CACNA1C: variants seen among roughly 807,000 people sequenced by gnomAD.
CACNA1C encodes calcium voltage-gated channel subunit alpha1 C, also known as voltage-dependent L-type calcium channel subunit alpha-1C.
In CACNA1C, 30 loss-of-function variants were observed where a neutral mutation model predicts 229.0. The ratio of observed to expected loss-of-function variants is 0.13; its 90% CI spans 0.10 to 0.18. CACNA1C has a LOEUF of 0.18. Among genes scored for constraint, CACNA1C ranks in the 10% least tolerant of loss-of-function variants. The pLI, the probability that CACNA1C is intolerant of heterozygous loss-of-function variation, is 1.00. For missense variants in CACNA1C, 1,658 were observed against 2,845.0 expected (o/e 0.58, Z 9.49); for synonymous variants, 1,114 against 1,132.5 (o/e 0.98, Z 0.33).
chr12:2,150,157 A>C (rs1372706219), intron 3 of CACNA1C, among the ~76,000 whole-genome samples: 1 of 152,210 alleles, frequency 6.6e-6, no homozygotes, highest in East Asian at 1.9e-4. Flanking sequence ...CATGTTGGTC[A>C]GGAGCAGAGA....
At chr12:2,150,774 T>C (rs527463259) in intron 3 of CACNA1C, among the ~76,000 whole-genome samples, 1 of 152,326 alleles carries the variant, frequency 6.6e-6, no homozygotes, top group South Asian at 2.1e-4. Context: ...CTTCTCTCCT[T>C]TGAGAGGTAG....
intron 3 of CACNA1C, among the ~76,000 whole-genome samples, chr12:2,349,187 A>G (rs2097135687): frequency 6.6e-6 from 1 of 152,226 alleles, no homozygotes; most frequent in Non-Finnish European, 1.5e-5. Flanking sequence ...GCATGTTCCC[A>G]TGGACTGGAA....
chr12:2,645,421 C>T (rs1415810229), intron 30 of CACNA1C, among the ~76,000 whole-genome samples: 1 of 152,206 alleles, frequency 6.6e-6, no homozygotes, highest in East Asian at 1.9e-4. Context: ...AAAGGTAGAA[C>T]TGATGCTTTG....
At chr12:2,431,536 C>G (rs963414991) in intron 3 of CACNA1C, among the ~76,000 whole-genome samples, 2 of 152,184 alleles carry the variant, frequency 1.3e-5, no homozygotes, top group African/African-American at 4.8e-5. Flanking sequence ...GTGCTCTGTG[C>G]TGAGAGGTCG....
chr12:2,611,325 G>A (rs550386290), intron 28 of CACNA1C, among the ~76,000 whole-genome samples: 1 of 141,454 alleles, frequency 7.1e-6, no homozygotes, highest in Non-Finnish European at 1.5e-5. Flanking sequence ...AGAACGGAGG[G>A]ATGAGCTGGA....
At position 2,034,215 on chromosome 12, in the gene CACNA1C, T is replaced by A. The variant is rs1360316422; in HGVS notation, c.139+63014T>A. Among the ~76,000 whole-genome samples, 1 of 152,164 alleles carries A rather than the reference T, an allele frequency of 6.6e-6. No individual in the cohort carries two copies. The highest frequency in any genetic ancestry group is 2.4e-5 in the African/African-American group (1 of 41,424). On this transcript the variant is annotated intron_variant, in intron 1 of 46. Transcript: ENST00000682462. This position sits in a 1 kb window ranked among gnomAD's most constrained non-coding sequence, Gnocchi z 4.1. ...GAGCGGTTCAGTGACTCGCCCAAAC[T>A]CACATGCTTAGTGTGGGAAAGTTAA...
At chr12:2,311,558 G>A (rs760045894) in intron 3 of CACNA1C, among the ~76,000 whole-genome samples, 4 of 152,136 alleles carry the variant, frequency 2.6e-5, no homozygotes, top group Admixed American at 6.5e-5. Context: ...ATCCTCTCTC[G>A]CACAGCAAAC....
In CACNA1C at chr12:2,581,987, A is replaced by G. The variant is rs150289490; in HGVS notation, c.2103+190A>G. Among the ~76,000 whole-genome samples the G allele has an allele frequency of 8.2e-3, 1,236 of 151,230 alleles. 23 individuals are homozygous for G. Among genetic ancestry groups the G allele is most frequent in the African/African-American group, 0.029 (1,176 of 41,118 alleles). On this transcript the variant is annotated intron_variant, in intron 14 of 46. Transcript: ENST00000399655. ...CTGTCCCCATCTGCCATGGAATTCC[A>G]CTAGTGGGTGGACCATTAGGGGAAA...
chr12:2,636,244 C>T (rs1333138261), intron 30 of CACNA1C, among the ~76,000 whole-genome samples: 1 of 152,212 alleles, frequency 6.6e-6, no homozygotes, highest in Non-Finnish European at 1.5e-5. Flanking sequence ...GAAAGGTGAC[C>T]GCAAGCTGCC....
At chr12:2,546,240 C>T (rs1440578068) in intron 9 of CACNA1C, among the ~76,000 whole-genome samples, 1 of 152,028 alleles carries the variant, frequency 6.6e-6, no homozygotes, top group East Asian at 1.9e-4. Flanking sequence ...TGTGCAGTTG[C>T]TGGTGTCTTC....
chr12:2,669,055 CT>C lies in CACNA1C; in HGVS notation c.4726+21del, dbSNP rs749247782. ...CAGAAGGTAAGGTCGCCCGTGGGCA[CT>C]GGGAGAGACACTCAGAAGGTCTAGC... On this transcript the variant is annotated intron_variant, in intron 38 of 46. Transcript: ENST00000399655. 2.5e-5 allele frequency: 37 copies of C among 1,490,088 alleles called. No homozygotes were observed. The East Asian group carries it at 7.7e-4, about 31-fold the overall frequency. The allele number at this position is 1,490,088 out of a possible 1,614,324, so 92.3% of individuals were successfully genotyped here.
chr12:2,620,520 C>G (rs150620811), intron 29 of CACNA1C, among the ~76,000 whole-genome samples: 1 of 152,232 alleles, frequency 6.6e-6, no homozygotes, highest in Non-Finnish European at 1.5e-5. Context: ...TCACTCCACT[C>G]CTGTGTCCTG....
At chr12:2,531,945 A>T (rs766455055) in intron 9 of CACNA1C, among the ~76,000 whole-genome samples, 7 of 152,190 alleles carry the variant, frequency 4.6e-5, no homozygotes, top group Non-Finnish European at 1.0e-4. Flanking sequence ...AGTCACAAAA[A>T]ACCCTTCCAT....
intron 3 of CACNA1C, among the ~76,000 whole-genome samples, chr12:2,420,984 G>A (rs1490189574): frequency 6.6e-6 from 1 of 152,114 alleles, no homozygotes; most frequent in Admixed American, 6.5e-5. Context: ...CAGATCCTGT[G>A]AATTAAATTT....
At chr12:2,135,100 A>G (rs1226671992) in intron 3 of CACNA1C, among the ~76,000 whole-genome samples, 19 of 145,274 alleles carry the variant, frequency 1.3e-4, no homozygotes, top group African/African-American at 2.9e-4. Flanking sequence ...TGATCGCATC[A>G]GCTCCTGAGG....
At chr12:2,379,251 G>A (rs570518833) in intron 3 of CACNA1C, among the ~76,000 whole-genome samples, 58 of 152,286 alleles carry the variant, frequency 3.8e-4, no homozygotes, top group African/African-American at 9.6e-4. Flanking sequence ...CATCTTGTGC[G>A]TGCTCTGACA....
chr12:2,559,781 T>C (rs1160088505), intron 11 of CACNA1C, among the ~76,000 whole-genome samples: 1 of 152,180 alleles, frequency 6.6e-6, no homozygotes, highest in Non-Finnish European at 1.5e-5. Context: ...CCTGTTCCTG[T>C]ATAGCTAGTG....
intron 1 of CACNA1C, among the ~76,000 whole-genome samples, chr12:2,043,934 C>T (rs1047597673): frequency 6.6e-5 from 10 of 151,988 alleles, no homozygotes; most frequent in East Asian, 1.9e-4. Context: ...GGATTACAGG[C>T]GTGAGCCACC....
intron 1 of CACNA1C, among the ~76,000 whole-genome samples, chr12:2,064,300 T>C (rs2058562601): frequency 6.6e-6 from 1 of 152,246 alleles, no homozygotes; most frequent in South Asian, 2.1e-4. Flanking sequence ...TCTCTCCCTC[T>C]GCCTGTGTGT....
Sources: allele counts gnomAD v4.1 joint callset (sites outside exome capture counted in the v4.1 genomes callset), GRCh38; gene constraint gnomAD v4.1.1; non-coding constraint Gnocchi (gnomAD v3.1); transcripts MANE v1.5; gene names NCBI Gene and HGNC (gene_info 2026-07-23, HGNC 2026-07-21).